The following LRRC7 variants were observed in gnomAD, a reference collection of about 807,000 sequenced individuals.
LRRC7 encodes leucine rich repeat containing 7.
In LRRC7, 23 loss-of-function variants were observed where a neutral mutation model predicts 175.7. The observed-to-expected ratio is 0.13, with a 90% confidence interval of 0.09 to 0.19. The LOEUF is 0.19. Among genes scored for constraint, LRRC7 ranks in the 10% least tolerant of loss-of-function variants. The pLI, the probability that LRRC7 is intolerant of heterozygous loss-of-function variation, is 1.00. For synonymous variants in LRRC7, 685 were observed against 680.9 expected, an observed-to-expected ratio of 1.01 and a Z score of -0.09; for missense variants, 1,354 against 1,904.7, an observed-to-expected ratio of 0.71 and a Z score of 5.38.
intron 7 of LRRC7, among the ~76,000 whole-genome samples, chr1:69,918,064 C>G (rs1026760153): frequency 6.6e-6 from 1 of 152,110 alleles, no homozygotes; most frequent in Admixed American, 6.5e-5. Context: ...TTCTGTGTTC[C>G]TATAGCAATC....
intron 1 of LRRC7, among the ~76,000 whole-genome samples, chr1:69,648,153 C>T (rs186044957): frequency 5.7e-4 from 86 of 152,068 alleles, no homozygotes; most frequent in Non-Finnish European, 1.1e-3. Context: ...CTTCATGGAA[C>T]GTAACCTTTA....
chr1:69,998,840 T>A (rs1214021903), intron 11 of LRRC7, among the ~76,000 whole-genome samples: 1 of 152,240 alleles, frequency 6.6e-6, no homozygotes, highest in Non-Finnish European at 1.5e-5. Context: ...TTTTGGCCTC[T>A]TGACCTCCCA....
At chr1:69,875,967 C>A (rs1364255522) in intron 7 of LRRC7, among the ~76,000 whole-genome samples, 1 of 152,042 alleles carries the variant, frequency 6.6e-6, no homozygotes, top group Non-Finnish European at 1.5e-5. Flanking sequence ...CCATACAACC[C>A]TTTCCTTCTT....
At chr1:69,817,509 A>G (rs570204913) in intron 4 of LRRC7, among the ~76,000 whole-genome samples, 1 of 152,140 alleles carries the variant, frequency 6.6e-6, no homozygotes, top group South Asian at 2.1e-4. Context: ...TTGTGCCAAT[A>G]TCAGCCCGTT....
intron 4 of LRRC7, among the ~76,000 whole-genome samples, chr1:69,811,677 A>G (rs955364116): frequency 8.5e-5 from 13 of 152,266 alleles, no homozygotes; most frequent in African/African-American, 3.1e-4. Flanking sequence ...GGAACAGAAA[A>G]TCAAACACCG....
intron 1 of LRRC7, among the ~76,000 whole-genome samples, chr1:69,578,566 G>T (rs1646056039): frequency 6.7e-6 from 1 of 150,260 alleles, no homozygotes; most frequent in Non-Finnish European, 1.5e-5. Context: ...TGATAGACTG[G>T]ATTAAGAAAA....
chr1:69,995,395 T>C (rs1287039910), intron 11 of LRRC7, among the ~76,000 whole-genome samples: 3 of 133,256 alleles, frequency 2.3e-5, no homozygotes, highest in African/African-American at 7.6e-5. Flanking sequence ...ATATAAATTC[T>C]TTTTTTTTTA....
intron 1 of LRRC7, among the ~76,000 whole-genome samples, chr1:69,580,583 A>G (rs928374108): frequency 2.0e-5 from 3 of 152,146 alleles, no homozygotes; most frequent in Non-Finnish European, 2.9e-5. Context: ...TTCATTCTGT[A>G]TATTGTTAGG....
At chr1:69,777,909 G>A (rs942070650) in intron 3 of LRRC7, among the ~76,000 whole-genome samples, 1 of 152,064 alleles carries the variant, frequency 6.6e-6, no homozygotes, top group Non-Finnish European at 1.5e-5. Context: ...TGACCAGACT[G>A]TAACCTAAGT....
chr1:69,786,343 T>G (rs1216162491), intron 3 of LRRC7, among the ~76,000 whole-genome samples: 1 of 152,086 alleles, frequency 6.6e-6, no homozygotes, highest in African/African-American at 2.4e-5. Flanking sequence ...TCTCTGTCTT[T>G]TTATTATTTT....
At chr1:69,939,306 AG>A (rs1284264150) in intron 8 of LRRC7, among the ~76,000 whole-genome samples, 4 of 151,822 alleles carry the variant, frequency 2.6e-5, no homozygotes, top group African/African-American at 4.8e-5. Context: ...ACTTCTAAGG[AG>A]GGGCCCCCAC....
At chr1:69,827,765 G>A (rs887928683) in intron 5 of LRRC7, among the ~76,000 whole-genome samples, 6 of 151,944 alleles carry the variant, frequency 3.9e-5, no homozygotes, top group African/African-American at 1.5e-4. Context: ...CTTTAGCCTG[G>A]GAGGACAACG....
intron 4 of LRRC7, among the ~76,000 whole-genome samples, chr1:69,819,601 G>C (rs1679027811): frequency 6.6e-6 from 1 of 151,328 alleles, no homozygotes; most frequent in Non-Finnish European, 1.5e-5. Context: ...GTGTGTGTGT[G>C]TGTGTGTGTG....
intron 2 of LRRC7, among the ~76,000 whole-genome samples, chr1:69,725,947 C>G (rs1484316780): frequency 6.6e-6 from 1 of 152,148 alleles, no homozygotes; most frequent in Non-Finnish European, 1.5e-5. Flanking sequence ...GGGCCTGGAC[C>G]CTACCTGTAG....
intron 7 of LRRC7, among the ~76,000 whole-genome samples, chr1:69,880,192 A>G (rs1412355226): frequency 6.6e-6 from 1 of 152,192 alleles, no homozygotes; most frequent in East Asian, 1.9e-4. Flanking sequence ...TTTCCCACTT[A>G]GCTTTGTTCT....
chr1:69,894,079 T>C (rs893423966), intron 7 of LRRC7, among the ~76,000 whole-genome samples: 2 of 152,214 alleles, frequency 1.3e-5, no homozygotes, highest in South Asian at 2.1e-4. Flanking sequence ...CCTCATTGCA[T>C]TGATTTTTCA....
intron 7 of LRRC7, among the ~76,000 whole-genome samples, chr1:69,891,357 T>C (rs1645827694): frequency 6.6e-6 from 1 of 152,184 alleles, no homozygotes; most frequent in Non-Finnish European, 1.5e-5. Flanking sequence ...ATACACAGCA[T>C]TTATCAAATT....
chr1:69,629,132 T>G (rs926498127), intron 1 of LRRC7, among the ~76,000 whole-genome samples: 5 of 152,084 alleles, frequency 3.3e-5, no homozygotes, highest in African/African-American at 4.8e-5. Flanking sequence ...TCATTAAAAT[T>G]TGAAATTTCT....
At position 70,018,815 on chromosome 1, in the gene LRRC7, G is replaced by A; in HGVS notation, c.1417G>A (p.Glu473Lys). 1 of 1,609,358 alleles carries A rather than the reference G, an allele frequency of 6.2e-7. No individual in the cohort carries two copies. Among genetic ancestry groups the A allele is most frequent in the African/African-American group, 1.3e-5 (1 of 74,914 alleles). Residue 473 changes from glutamate (E) to lysine (K), a missense_variant, in exon 15 of 27, where the codon GAA (glutamate) becomes AAA (lysine). This residue lies in a region of LRRC7 where 201 missense variants were observed against 481.4 expected (regional missense o/e 0.42). Coordinates refer to ENST00000651989, the MANE Select transcript of LRRC7 (RefSeq NM_001370785.2). ...GTTTCCCCAGCAGCCTCGTGGTGAT[G>A]AAGGTAAATTGTCAGTAGAAATTTC... ...YMFPQQPRGDEDFQSDSDSFN... is the reference protein window; with the variant it reads ...YMFPQQPRGDKDFQSDSDSFN...
Sources: gnomAD v4.1 joint callset for allele counts (sites outside exome capture counted in the v4.1 genomes callset) on GRCh38, gnomAD v4.1.1 for gene constraint, gnomAD v4.1.1 regional missense constraint, MANE v1.5 for transcripts, NCBI Gene and HGNC (gene_info 2026-07-23, HGNC 2026-07-21) for gene names.